Variants in SEC14L2 observed in about 807,000 individuals in gnomAD.
SEC14L2 encodes SEC14-like protein 2.
SEC14L2 carries 50 observed loss-of-function variants against 56.9 expected under a neutral mutation model. That is an observed-to-expected ratio of 0.88 (90% CI 0.70 to 1.11). The LOEUF is 1.11. Ranked by LOEUF, SEC14L2 falls within the 50% of genes most tolerant of loss-of-function variation. The pLI, the probability that SEC14L2 is intolerant of heterozygous loss-of-function variation, is 0.00. For synonymous variants in SEC14L2, 179 were observed against 188.5 expected (o/e 0.95, Z 0.41); for missense variants, 414 against 500.7 (o/e 0.83, Z 1.65).
At chr22:30,403,896 G>T (rs948018528) in intron 2 of SEC14L2, among the ~76,000 whole-genome samples, 2 of 151,362 alleles carry the variant, frequency 1.3e-5, no homozygotes, top group Admixed American at 6.6e-5. Flanking sequence ...CCAGCTACTC[G>T]GGAGGCTGAG....
At position 30,424,996 on chromosome 22, in the gene SEC14L2, C is replaced by T. The variant is rs1312958522; in HGVS notation, c.*2589C>T. 3 of 371,468 alleles carry T rather than the reference C, an allele frequency of 8.1e-6. No homozygotes were observed. Among genetic ancestry groups the T allele is most frequent in the African/African-American group, 4.2e-5 (2 of 47,358 alleles). The allele number at this position is 371,468 out of a possible 1,614,324, so 23.0% of individuals were successfully genotyped here. A position where few individuals can be genotyped will look rare whatever the true frequency, so the allele number is the denominator to read the frequency against. ...GCTTCCTAGTTATACATGGCGACTG[C>T]TGAGAAGGGACTCCAGAGTCCAGGC... On this transcript the variant is annotated 3_prime_UTR_variant, in exon 12 of 12. Coordinates refer to ENST00000615189, the MANE Select transcript of SEC14L2 (RefSeq NM_012429.5).
In SEC14L2 at chr22:30,422,427, C is replaced by A. The variant is rs1293930387; in HGVS notation, c.*20C>A. The A allele has an allele frequency of 8.1e-6, 13 of 1,613,628 alleles. No individual in the cohort carries two copies. The highest frequency in any genetic ancestry group is 1.1e-5 in the Non-Finnish European group (13 of 1,179,840). The stretch of plus-strand genomic sequence containing the variant: ...AAATAACACCTTCTCCTATAGCAGG[C>A]CTGGCCCCCTCAGTGTCTCCCTGTC... On this transcript the variant is annotated 3_prime_UTR_variant, in exon 12 of 12. Coordinates refer to ENST00000615189, the MANE Select transcript of SEC14L2 (RefSeq NM_012429.5).
chr22:30,397,135 G>T lies in SEC14L2; in HGVS notation c.19G>T (p.Asp7Tyr), dbSNP rs529088870. 8 of 1,547,922 alleles carry T rather than the reference G, an allele frequency of 5.2e-6. No individual in the cohort carries two copies. The South Asian group carries it at 8.3e-5, about 16-fold the overall frequency. Residue 7 changes from aspartate to tyrosine, a missense_variant, in exon 1 of 12, where the codon GAT becomes TAT. Asp to Tyr is a radical substitution (Grantham distance 160). Transcript: ENST00000615189. MSGRVG[D>Y]LSPRQKEALA... is the part of the protein sequence containing the mutation. ...AGCCACGATGAGCGGCAGAGTCGGCGATCTGAGCCCCAGGCAGAAGGAGGC... is the reference window on the plus strand; with the variant it reads ...AGCCACGATGAGCGGCAGAGTCGGCTATCTGAGCCCCAGGCAGAAGGAGGC...
intron 8 of SEC14L2, among the ~76,000 whole-genome samples, chr22:30,412,705 T>A (rs1304665439): frequency 1.3e-5 from 2 of 151,340 alleles, no homozygotes; most frequent in African/African-American, 4.9e-5. Context: ...GTGCCTGTAG[T>A]CCCAGCTACA....
Position 30,416,276 on chromosome 22 carries a change from T to C in SEC14L2, c.954T>C (p.Ile318=), listed in dbSNP as rs771676087. Residue 318 remains isoleucine (I), a synonymous_variant, in exon 11 of 12, where the codon ATT becomes ATC. Coordinates refer to ENST00000615189, the MANE Select transcript of SEC14L2 (RefSeq NM_012429.5). ...MSDGADVGFG[I]FLKTKMGERQ... ...ATGGAGCGGATGTTGGTTTTGGGAT[T>C]TTCCTGAAGACCAAGATGGGAGAGA... 2 of 1,614,210 alleles carry C rather than the reference T, an allele frequency of 1.2e-6. No homozygotes were observed. Among genetic ancestry groups the C allele is most frequent in the East Asian group, 2.2e-5 (1 of 44,882 alleles).
rs56325714 is a variant in SEC14L2 at position 30,422,976 on chromosome 22, G to C, written c.*569G>C. 10,750 of 152,860 alleles carry C rather than the reference G, an allele frequency of 0.07. 506 individuals are homozygous for C. The highest frequency in any genetic ancestry group is 0.15 in the Middle Eastern group (44 of 294). The allele number at this position is 152,860 out of a possible 1,614,324, so 9.5% of individuals were successfully genotyped here. A position where few individuals can be genotyped will look rare whatever the true frequency, so the allele number is the denominator to read the frequency against. On this transcript the variant is annotated 3_prime_UTR_variant, in exon 12 of 12. Transcript: ENST00000615189. ...TCAGCACACATCTTCCCACTCGGTAGACAGGCTGGCCTCTCCCTCACTTTG... is the reference window on the plus strand; with the variant it reads ...TCAGCACACATCTTCCCACTCGGTACACAGGCTGGCCTCTCCCTCACTTTG...
intron 2 of SEC14L2, 128 bp from the exon 3 acceptor site, chr22:30,406,214 G>C (rs537742987): frequency 1.3e-6 from 1 of 795,614 alleles, no homozygotes; most frequent in Non-Finnish European, 2.1e-6. Flanking sequence ...CTTGTAGGAT[G>C]GTCTGAGGGT....
rs2146047168 is a variant in SEC14L2 at position 30,422,420 on chromosome 22, T to C, written c.*13T>C. On this transcript the variant is annotated 3_prime_UTR_variant, in exon 12 of 12. Transcript: ENST00000615189. ...CACCCCGAAATAACACCTTCTCCTA[T>C]AGCAGGCCTGGCCCCCTCAGTGTCT... The C allele has an allele frequency of 1.2e-6, 2 of 1,614,014 alleles. No individual in the cohort carries two copies. The highest frequency in any genetic ancestry group is 1.7e-6 in the Non-Finnish European group (2 of 1,179,954).
intron 7 of SEC14L2, 114 bp downstream of exon 7, chr22:30,409,600 C>G: frequency 2.0e-6 from 2 of 990,112 alleles, no homozygotes; most frequent in Non-Finnish European, 3.2e-6. Flanking sequence ...AGGACATGTT[C>G]AGAAGACTGC....
At chr22:30,406,424 C>G (rs1317946367) in intron 3 of SEC14L2, 39 bp downstream of exon 3, 2 of 1,607,040 alleles carry the variant, frequency 1.2e-6, no homozygotes, top group African/African-American at 1.3e-5. Flanking sequence ...TCCTCCCCAT[C>G]AGAATCACTC....
rs1569202945 is a variant in SEC14L2 at position 30,397,095 on chromosome 22, C to T, written c.-22C>T. 2 of 1,547,726 alleles carry T rather than the reference C, an allele frequency of 1.3e-6. No individual in the cohort carries two copies. Among genetic ancestry groups the T allele is most frequent in the Non-Finnish European group, 1.7e-6 (2 of 1,145,696 alleles). On this transcript the variant is annotated 5_prime_UTR_variant, in exon 1 of 12. Transcript: ENST00000615189. ...ACCCGCCGCCTCCCGCCCCCAAACC[C>T]CATCCCCGCGGTTGAGCCACGATGA... is the stretch of plus-strand genomic sequence containing the variant.
chr22:30,415,912 A>G (rs746749398), intron 9 of SEC14L2, 36 bp from the exon 10 acceptor site: 2 of 1,614,126 alleles, frequency 1.2e-6, no homozygotes, highest in South Asian at 2.2e-5. Context: ...CCTGGCTCAA[A>G]TGCACATTCC....
intron 8 of SEC14L2, among the ~76,000 whole-genome samples, chr22:30,411,863 T>TGGGAGCACTCAGC (rs1392488297): frequency 6.7e-6 from 1 of 150,334 alleles, no homozygotes; most frequent in Non-Finnish European, 1.5e-5. Flanking sequence ...ACAAAGTGCA[T>TGGGAGCACTCAGC]GGGAGCACTC....
At chr22:30,404,595 C>T (rs941633580) in intron 2 of SEC14L2, among the ~76,000 whole-genome samples, 8 of 152,086 alleles carry the variant, frequency 5.3e-5, no homozygotes, top group African/African-American at 1.9e-4. Context: ...ATCTGGATCT[C>T]AAAACTCTTT....
chr22:30,422,273 T>G lies in SEC14L2; in HGVS notation c.1082-4T>G. The G allele has an allele frequency of 6.2e-7, 1 of 1,614,090 alleles. No homozygotes were observed. Among genetic ancestry groups the G allele is most frequent in the Admixed American group, 1.7e-5 (1 of 60,020 alleles). ...ATGTCTGTCTGGTTTCTGCCTTCCC[T>G]CAGATGTCCTGCGGTTTGACAACAC... On this transcript the variant is annotated splice_polypyrimidine_tract_variant and splice_region_variant and intron_variant, in intron 11 of 11. Transcript: ENST00000615189.
intron 11 of SEC14L2, chr22:30,416,768 G>A: frequency 8.0e-7 from 1 of 1,255,690 alleles, no homozygotes; most frequent in South Asian, 2.1e-5. Flanking sequence ...GAACTGGCTG[G>A]GTGGGCATGG....
At chr22:30,402,650 AG>A (rs1335350965) in intron 2 of SEC14L2, among the ~76,000 whole-genome samples, 1 of 151,926 alleles carries the variant, frequency 6.6e-6, no homozygotes, top group African/African-American at 2.4e-5. Context: ...CTTACAACAG[AG>A]GAAGTGTCTC....
At chr22:30,413,802 G>GT (rs60033540) in intron 8 of SEC14L2, among the ~76,000 whole-genome samples, 4,035 of 144,676 alleles carry the variant, frequency 0.028, 54 homozygotes, top group East Asian at 0.035. Context: ...CTCAAGCTCT[G>GT]TTTTTTTTTT....
At chr22:30,399,917 G>A (rs967098551) in intron 2 of SEC14L2, among the ~76,000 whole-genome samples, 199 bp downstream of exon 2, 1 of 152,256 alleles carries the variant, frequency 6.6e-6, no homozygotes, top group Non-Finnish European at 1.5e-5. Flanking sequence ...CAAGTGACTT[G>A]TTCCAAGCCA....
Sources: allele counts gnomAD v4.1 joint callset (sites outside exome capture counted in the v4.1 genomes callset), GRCh38; gene constraint gnomAD v4.1.1; transcripts MANE v1.5; gene names NCBI Gene and HGNC (gene_info 2026-07-23, HGNC 2026-07-21).